RALGPS1: variants seen among roughly 807,000 people sequenced by gnomAD.
RALGPS1 encodes the protein ras-specific guanine nucleotide-releasing factor RalGPS1.
Under a neutral mutation model 78.8 loss-of-function variants are expected in RALGPS1, and 19 were observed. The observed-to-expected ratio is 0.24, with a 90% CI of 0.17 to 0.35. RALGPS1 has a LOEUF of 0.35. Among genes scored for constraint, RALGPS1 ranks in the 10% least tolerant of loss-of-function variants. The pLI, the probability that RALGPS1 is intolerant of heterozygous loss-of-function variation, is 1.00. For synonymous variants in RALGPS1, 228 were observed against 256.3 expected (o/e 0.89, Z 1.06); for missense variants, 454 against 688.3 (o/e 0.66, Z 3.81).
At chr9:127,098,614 A>C (rs910632001) in intron 8 of RALGPS1, among the ~76,000 whole-genome samples, 1 of 152,036 alleles carries the variant, frequency 6.6e-6, no homozygotes, top group African/African-American at 2.4e-5. Flanking sequence ...CTCAGCCCGG[A>C]CCCCACTGCC....
At chr9:127,172,893 G>T (rs1033909354) in intron 10 of RALGPS1, among the ~76,000 whole-genome samples, 1 of 152,070 alleles carries the variant, frequency 6.6e-6, no homozygotes, top group Non-Finnish European at 1.5e-5. Flanking sequence ...TCCTTCTTTT[G>T]CAAGAGGATG....
chr9:127,174,517 C>T (rs1308086528), intron 10 of RALGPS1, among the ~76,000 whole-genome samples, 198 bp from the exon 11 acceptor site: 1 of 152,164 alleles, frequency 6.6e-6, no homozygotes, highest in Non-Finnish European at 1.5e-5. Flanking sequence ...CACTCAACTC[C>T]TTTTCACTTT....
At chr9:127,115,141 C>G (rs2055265438) in intron 8 of RALGPS1, among the ~76,000 whole-genome samples, 1 of 152,178 alleles carries the variant, frequency 6.6e-6, no homozygotes, top group South Asian at 2.1e-4. Flanking sequence ...GGGGACCATA[C>G]ATCCTGGTTG....
At chr9:127,058,771 G>A (rs1006967877) in intron 7 of RALGPS1, among the ~76,000 whole-genome samples, 11 of 152,078 alleles carry the variant, frequency 7.2e-5, no homozygotes, top group East Asian at 3.9e-4. Context: ...CCACGTGTGC[G>A]CATGTACATA....
At position 127,132,297 on chromosome 9, in the gene RALGPS1, A is replaced by G. The variant is rs561789524; in HGVS notation, c.611-33772A>G. On this transcript the variant is annotated intron_variant, in intron 8 of 18. Coordinates refer to ENST00000259351, the MANE Select transcript of RALGPS1 (RefSeq NM_014636.3). ...TTCATTAACACGTCCCTGATTTCCA[A>G]TTGCTTTCCTGATACAGAAAAGGAA... Among the ~76,000 whole-genome samples, 8 of 152,278 alleles carry G rather than the reference A, an allele frequency of 5.3e-5. No individual in the cohort carries two copies. In the East Asian group the frequency reaches 7.7e-4, roughly 15 times the overall value.
intron 3 of RALGPS1, among the ~76,000 whole-genome samples, chr9:126,974,310 G>C (rs564552027): frequency 2.6e-5 from 4 of 152,182 alleles, no homozygotes; most frequent in Non-Finnish European, 5.9e-5. Flanking sequence ...CGGGCTTTCT[G>C]TGGTTCTGTG....
intron 8 of RALGPS1, chr9:127,107,888 A>T: frequency 6.6e-7 from 1 of 1,515,554 alleles, no homozygotes; most frequent in Non-Finnish European, 8.8e-7. Flanking sequence ...TGAGACCCAC[A>T]TGTAACACGA....
chr9:127,108,227 T>C (rs2054429229), intron 8 of RALGPS1: 1 of 1,614,082 alleles, frequency 6.2e-7, no homozygotes, highest in Non-Finnish European at 8.5e-7. Context: ...AGCTGCAGCA[T>C]GTCGGCTGTC....
chr9:127,114,209 G>T (rs2055161715), intron 8 of RALGPS1, among the ~76,000 whole-genome samples: 1 of 152,186 alleles, frequency 6.6e-6, no homozygotes, highest in African/African-American at 2.4e-5. Flanking sequence ...CACATTCATA[G>T]TCTTTATGTT....
At chr9:127,011,992 G>A (rs1439466205) in intron 4 of RALGPS1, among the ~76,000 whole-genome samples, 1 of 152,200 alleles carries the variant, frequency 6.6e-6, no homozygotes, top group Non-Finnish European at 1.5e-5. Context: ...ATTACAAATA[G>A]CCTGTGTTGT....
At chr9:126,969,834 A>G (rs1283134978) in intron 3 of RALGPS1, among the ~76,000 whole-genome samples, 2 of 152,134 alleles carry the variant, frequency 1.3e-5, no homozygotes, top group Non-Finnish European at 2.9e-5. Flanking sequence ...GGCTGGGAAG[A>G]CTGTAGGGAA....
At chr9:127,117,030 AC>A (rs537041214) in intron 8 of RALGPS1, among the ~76,000 whole-genome samples, 1,526 of 152,240 alleles carry the variant, frequency 0.01, 11 homozygotes, top group Middle Eastern at 0.02. Context: ...TCTGTCTGAC[AC>A]CCACATCTGA....
chr9:126,947,996 G>A (rs757355627), intron 1 of RALGPS1, among the ~76,000 whole-genome samples: 1 of 152,070 alleles, frequency 6.6e-6, no homozygotes, highest in East Asian at 1.9e-4. Flanking sequence ...GTTGTAAGGC[G>A]GGTCTCTAGA....
At chr9:126,951,868 G>A (rs3916665) in intron 1 of RALGPS1, among the ~76,000 whole-genome samples, 26,412 of 152,086 alleles carry the variant, frequency 0.17, 3,022 homozygotes, top group East Asian at 0.44. Flanking sequence ...TAGGAAAAGA[G>A]GAAGTCAAAT....
intron 8 of RALGPS1, among the ~76,000 whole-genome samples, chr9:127,151,327 A>G (rs13296793): frequency 0.031 from 4,752 of 152,316 alleles, 104 homozygotes; most frequent in Non-Finnish European, 0.048. Flanking sequence ...CCAAAATCCT[A>G]TCTCTTTGGG....
chr9:127,186,623 C>G (rs1251497793), intron 11 of RALGPS1, among the ~76,000 whole-genome samples: 2 of 152,206 alleles, frequency 1.3e-5, no homozygotes, highest in Non-Finnish European at 2.9e-5. Context: ...TCCCTGGGGC[C>G]CAGTTGAATG....
intron 1 of RALGPS1, among the ~76,000 whole-genome samples, chr9:126,922,548 G>A (rs2034867337): frequency 6.6e-6 from 1 of 152,202 alleles, no homozygotes. Context: ...CATAAAGTTC[G>A]TTATGTGGAA....
chr9:126,918,939 G>A (rs1210247209), intron 1 of RALGPS1, among the ~76,000 whole-genome samples: 1 of 151,988 alleles, frequency 6.6e-6, no homozygotes, highest in Non-Finnish European at 1.5e-5. Flanking sequence ...CAAAGTGCTG[G>A]GATTATAGGC....
intron 13 of RALGPS1, among the ~76,000 whole-genome samples, chr9:127,198,772 A>C (rs2061468105): frequency 6.6e-6 from 1 of 152,116 alleles, no homozygotes; most frequent in Non-Finnish European, 1.5e-5. Context: ...GTGGGCAGTT[A>C]GCTGTGGCCC....
Sources: gnomAD v4.1 joint callset for allele counts (sites outside exome capture counted in the v4.1 genomes callset) on GRCh38, gnomAD v4.1.1 for gene constraint, MANE v1.5 for transcripts, NCBI Gene and HGNC (gene_info 2026-07-23, HGNC 2026-07-21) for gene names.